The following CAMTA1 variants were observed in gnomAD, a reference collection of about 807,000 sequenced individuals.
CAMTA1 encodes calmodulin-binding transcription activator 1.
In CAMTA1, 27 loss-of-function variants were observed where a neutral mutation model predicts 170.9. The observed-to-expected ratio is 0.16, with a 90% confidence interval of 0.12 to 0.22. CAMTA1 has a LOEUF of 0.22. Ranked by LOEUF, CAMTA1 falls within the 10% of genes least tolerant of loss-of-function variation. CAMTA1 has a pLI of 1.00. For missense variants in CAMTA1, 1,619 were observed against 2,217.2 expected (o/e 0.73, Z 5.42); for synonymous variants, 833 against 891.5 (o/e 0.93, Z 1.17).
chr1:7,115,730 A>G (rs1573182393), intron 4 of CAMTA1, among the ~76,000 whole-genome samples: 1 of 152,094 alleles, frequency 6.6e-6, no homozygotes, highest in East Asian at 1.9e-4. Flanking sequence ...TCCAGTCTGA[A>G]AACCAGCAGG....
intron 7 of CAMTA1, among the ~76,000 whole-genome samples, chr1:7,645,142 C>T (rs2095794153): frequency 6.6e-6 from 1 of 152,196 alleles, no homozygotes; most frequent in Non-Finnish European, 1.5e-5. Flanking sequence ...CCAGATTAGC[C>T]ACTGAGAGAT....
rs187461845 is a variant in CAMTA1 at position 6,920,692 on chromosome 1, A to G, written c.234+95482A>G. 8.3e-3 allele frequency among the ~76,000 whole-genome samples: 1,268 copies of G among 152,326 alleles called. 13 individuals are homozygous for G. Among genetic ancestry groups the G allele is most frequent in the Non-Finnish European group, 0.013 (877 of 68,022 alleles). ...TTCTGAAATCTAGGCAGAGGTTCCC[A>G]TACCTCAATTCTTGACTTCTCTGCA... On this transcript the variant is annotated intron_variant, in intron 3 of 22. Coordinates refer to ENST00000303635, the MANE Select transcript of CAMTA1 (RefSeq NM_015215.4).
intron 11 of CAMTA1, among the ~76,000 whole-genome samples, chr1:7,723,673 C>CT (rs1287296360): frequency 6.6e-6 from 1 of 152,132 alleles, no homozygotes; most frequent in African/African-American, 2.4e-5. Context: ...CATTATACCT[C>CT]TGATTGTATG....
chr1:6,939,447 T>C (rs749643705), intron 3 of CAMTA1, among the ~76,000 whole-genome samples: 11 of 152,190 alleles, frequency 7.2e-5, no homozygotes, highest in Non-Finnish European at 1.5e-4. Context: ...TAGAAGGGAA[T>C]CATTGATAAT....
In CAMTA1 at chr1:6,785,551, A is replaced by G; in HGVS notation, c.21A>G (p.Lys7=). 1 of 1,071,638 alleles carries G rather than the reference A, an allele frequency of 9.3e-7. No individual in the cohort carries two copies. Among genetic ancestry groups the G allele is most frequent in the Non-Finnish European group, 1.1e-6 (1 of 870,614 alleles). The allele number at this position is 1,071,638 out of a possible 1,614,324, so 66.4% of individuals were successfully genotyped here. ...GGAGGATGTGGCGCGCGGAGGGGAA[A>G]TGGCTGCCGAAAACAAGCCGGAAGG... MWRAEG[K]WLPKTSRKSV... The change falls in exon 1 of 23, where the codon AAA becomes AAG. Residue 7 remains lysine, a synonymous_variant. Transcript: ENST00000303635.
chr1:7,482,154 A>T lies in CAMTA1; in HGVS notation c.510+14253A>T, dbSNP rs1263776934. Among the ~76,000 whole-genome samples the T allele has an allele frequency of 6.6e-6, 1 of 152,094 alleles. No individual in the cohort carries two copies. The highest frequency in any genetic ancestry group is 2.4e-5 in the African/African-American group (1 of 41,416). ...GCCATTCATCATGTTGCTACTGCCT[A>T]CTGTGTTATTTATGCCTTGTCTATC... is the stretch of plus-strand genomic sequence containing the variant. On this transcript the variant is annotated intron_variant, in intron 6 of 22. Transcript: ENST00000303635. This position sits in a 1 kb window ranked among gnomAD's most constrained non-coding sequence, Gnocchi z 4.2.
chr1:7,678,272 G>A (rs1162990253), intron 11 of CAMTA1, among the ~76,000 whole-genome samples: 1 of 152,238 alleles, frequency 6.6e-6, no homozygotes, highest in Non-Finnish European at 1.5e-5. Flanking sequence ...ATCTTCTCCT[G>A]GAAGCCCTCA....
At chr1:7,577,917 T>C (rs2095216813) in intron 6 of CAMTA1, among the ~76,000 whole-genome samples, 1 of 152,186 alleles carries the variant, frequency 6.6e-6, no homozygotes. Context: ...AGATCATCAT[T>C]TTCAAAACTA....
At position 6,786,067 on chromosome 1, in the gene CAMTA1, G is replaced by A. The variant is rs553767983; in HGVS notation, c.45+492G>A. The stretch of plus-strand genomic sequence containing the variant: ...GGTCCCCGTCGGGCGGCAGCGGCCG[G>A]CGCTCAGCCCTCGCCGGCCCCCTGC... On this transcript the variant is annotated intron_variant, in intron 1 of 22. Transcript: ENST00000303635. Among the ~76,000 whole-genome samples the A allele has an allele frequency of 7.9e-5, 12 of 151,906 alleles. No individual in the cohort carries two copies. In the East Asian group the frequency reaches 2.4e-3, roughly 30 times the overall value.
intron 6 of CAMTA1, among the ~76,000 whole-genome samples, chr1:7,481,801 C>CT (rs34493010): frequency 0.072 from 10,617 of 147,012 alleles, 503 homozygotes; most frequent in East Asian, 0.16. Context: ...GCATACAGTT[C>CT]TTTTTTTTTT....
rs148165050 is a variant in CAMTA1 at position 7,309,907 on chromosome 1, T to C, written c.438+60281T>C. Among the ~76,000 whole-genome samples, 314 of 152,164 alleles carry C rather than the reference T, an allele frequency of 2.1e-3. 2 individuals carry two copies. Among genetic ancestry groups the C allele is most frequent in the African/African-American group, 7.3e-3 (302 of 41,556 alleles). Reference sequence around the variant, plus strand: ...ATATATATAAAACCCCAGTAAGGAATGTTATAATTTTTGCTTTCAACCATC... The same window carrying C: ...ATATATATAAAACCCCAGTAAGGAACGTTATAATTTTTGCTTTCAACCATC... On this transcript the variant is annotated intron_variant, in intron 5 of 22. Transcript: ENST00000303635.
At chr1:7,398,191 CTCTATATATA>C (rs1391152037) in intron 5 of CAMTA1, among the ~76,000 whole-genome samples, 85 of 26,888 alleles carry the variant, frequency 3.2e-3, no homozygotes, top group Non-Finnish European at 4.0e-3. Flanking sequence ...CTCTCTCTCT[CTCTATATATA>C]TATATATATA....
chr1:7,393,073 T>A (rs2088908986), intron 5 of CAMTA1, among the ~76,000 whole-genome samples: 1 of 151,854 alleles, frequency 6.6e-6, no homozygotes, highest in African/African-American at 2.4e-5. Flanking sequence ...AAAAAAAGTT[T>A]TAGTTGCTCC....
intron 6 of CAMTA1, among the ~76,000 whole-genome samples, chr1:7,491,319 G>A (rs1371608035): frequency 2.0e-5 from 3 of 152,144 alleles, no homozygotes; most frequent in African/African-American, 7.2e-5. Context: ...GGACGGGCAC[G>A]GGTGAACTCT....
intron 4 of CAMTA1, among the ~76,000 whole-genome samples, chr1:7,149,398 G>A (rs1646433873): frequency 6.6e-6 from 1 of 152,152 alleles, no homozygotes; most frequent in Non-Finnish European, 1.5e-5. Context: ...CTCATTTTCT[G>A]CCCCTCTGCT....
intron 5 of CAMTA1, among the ~76,000 whole-genome samples, chr1:7,284,775 G>A (rs144303887): frequency 6.6e-6 from 1 of 152,252 alleles, no homozygotes; most frequent in Non-Finnish European, 1.5e-5. Flanking sequence ...CACTTTCCTC[G>A]CTTTACCTCC....
chr1:6,898,160 T>G lies in CAMTA1; in HGVS notation c.234+72950T>G, dbSNP rs1313472871. ...ATTGGTTGAGGAGCTTAAATATTTG[T>G]TAAAATTGTAATGTGTCCTGATTTA... On this transcript the variant is annotated intron_variant, in intron 3 of 22. Transcript: ENST00000303635. 2.0e-5 allele frequency among the ~76,000 whole-genome samples: 3 copies of G among 152,328 alleles called. 1 individual carries two copies. In the East Asian group the frequency reaches 5.8e-4, roughly 29 times the overall value.
chr1:7,704,639 C>T (rs1404836570), intron 11 of CAMTA1, among the ~76,000 whole-genome samples: 3 of 148,844 alleles, frequency 2.0e-5, no homozygotes, highest in Non-Finnish European at 3.0e-5. Context: ...GATTGGACCA[C>T]GCGGCCTGGG....
intron 5 of CAMTA1, among the ~76,000 whole-genome samples, chr1:7,437,797 G>T (rs187197984): frequency 2.6e-5 from 4 of 152,224 alleles, no homozygotes; most frequent in African/African-American, 4.8e-5. Flanking sequence ...GCCAGCAGGC[G>T]CATTCACTCA....
Sources: gnomAD v4.1 joint callset for allele counts (sites outside exome capture counted in the v4.1 genomes callset) on GRCh38, gnomAD v4.1.1 for gene constraint, Gnocchi (gnomAD v3.1) non-coding constraint, MANE v1.5 for transcripts, NCBI Gene and HGNC (gene_info 2026-07-23, HGNC 2026-07-21) for gene names.